WIF1: variants seen among roughly 807,000 people sequenced by gnomAD.
WIF1 encodes the protein Wnt inhibitory factor 1.
In WIF1, 35 loss-of-function variants were observed where a neutral mutation model predicts 53.5. The observed-to-expected ratio is 0.65, with a 90% CI of 0.50 to 0.87. The LOEUF (loss-of-function observed/expected upper bound fraction) is 0.87. WIF1 is among the 40% of genes least tolerant of loss of function. The pLI, the probability that WIF1 is intolerant of heterozygous loss-of-function variation, is 0.00. For synonymous variants in WIF1, 171 were observed against 170.4 expected (o/e 1.00, Z -0.03); for missense variants, 467 against 476.8 (o/e 0.98, Z 0.19).
At chr12:65,109,150 A>G (rs1257043252) in intron 2 of WIF1, among the ~76,000 whole-genome samples, 4 of 152,086 alleles carry the variant, frequency 2.6e-5, no homozygotes, top group Non-Finnish European at 4.4e-5. Context: ...GTATTTCCCT[A>G]TGGGTTATTC....
chr12:65,072,600 A>T (rs1005844437), intron 3 of WIF1, among the ~76,000 whole-genome samples: 1 of 152,150 alleles, frequency 6.6e-6, no homozygotes, highest in Admixed American at 6.6e-5. Flanking sequence ...ACACACTTGC[A>T]CTTCCACACA....
chr12:65,092,901 A>G (rs1883147564), intron 2 of WIF1, among the ~76,000 whole-genome samples: 1 of 151,154 alleles, frequency 6.6e-6, no homozygotes, highest in African/African-American at 2.4e-5. Flanking sequence ...GGTGACATCA[A>G]CTCCTGTCTG....
chr12:65,075,745 T>A (rs1882851628), intron 3 of WIF1, among the ~76,000 whole-genome samples: 1 of 151,972 alleles, frequency 6.6e-6, no homozygotes, highest in Admixed American at 6.6e-5. Flanking sequence ...GTGGAAAAAA[T>A]TGCAAAGGAA....
chr12:65,096,314 G>A (rs1482702531), intron 2 of WIF1, among the ~76,000 whole-genome samples: 1 of 152,128 alleles, frequency 6.6e-6, no homozygotes, highest in Non-Finnish European at 1.5e-5. Context: ...ACCACAATGA[G>A]ATACCATCTC....
intron 2 of WIF1, among the ~76,000 whole-genome samples, chr12:65,107,264 T>G (rs532858804): frequency 6.6e-6 from 1 of 152,352 alleles, no homozygotes; most frequent in Non-Finnish European, 1.5e-5. Context: ...TTCAATGTGC[T>G]TCAAACATGC....
rs373949680 is a variant in WIF1 at position 65,106,626 on chromosome 12, G to A, written c.288+13791C>T. Among the ~76,000 whole-genome samples, 29 of 152,218 alleles carry A rather than the reference G, an allele frequency of 1.9e-4. No homozygotes were observed. The East Asian group carries it at 3.1e-3, about 16-fold the overall frequency. On this transcript the variant is annotated intron_variant, in intron 2 of 9. Transcript: ENST00000286574. ...CTCCCAAAGTGTTGGGATTACAGGC[G>A]TGAGCCACTGCGCCCATCCCAAAAA...
chr12:65,118,426 G>A (rs917617560), intron 2 of WIF1, among the ~76,000 whole-genome samples: 5 of 152,070 alleles, frequency 3.3e-5, no homozygotes, highest in Non-Finnish European at 5.9e-5. Flanking sequence ...ATATTTTAAA[G>A]CATCTTGCTG....
chr12:65,058,357 T>A (rs1301090027), intron 7 of WIF1, among the ~76,000 whole-genome samples: 1 of 152,196 alleles, frequency 6.6e-6, no homozygotes, highest in East Asian at 1.9e-4. Flanking sequence ...GCCCGAATTT[T>A]CTCCTCCTCT....
intron 2 of WIF1, among the ~76,000 whole-genome samples, chr12:65,095,011 C>T (rs1417151824): frequency 6.6e-6 from 1 of 151,766 alleles, no homozygotes; most frequent in Admixed American, 6.6e-5. Flanking sequence ...TGACTCACTG[C>T]AGCCTCCATC....
Position 65,067,722 on chromosome 12 carries a change from C to T in WIF1, c.607G>A (p.Gly203Arg), listed in dbSNP as rs1176920931. 1.9e-6 allele frequency: 3 copies of T among 1,613,224 alleles called. No homozygotes were observed. The highest frequency in any genetic ancestry group is 1.3e-5 in the African/African-American group (1 of 74,884). ...NERRICECPD[G>R]FHGPHCEKAL... ...TTCTCACAGTGAGGTCCGTGGAACC[C>T]ATCAGGACACTCGCAGATGCGTCTT... The change falls in exon 5 of 10, where the codon GGG becomes AGG. Residue 203 changes from glycine to arginine, a missense_variant. Transcript: ENST00000286574.
chr12:65,097,944 G>C (rs548249788), intron 2 of WIF1, among the ~76,000 whole-genome samples: 1 of 152,258 alleles, frequency 6.6e-6, no homozygotes, highest in Admixed American at 6.5e-5. Context: ...GAAGAAGTGA[G>C]GAAGAGAGGA....
In WIF1 at chr12:65,050,815, A is replaced by ATT. The variant is rs560723841; in HGVS notation, c.*532_*533dup. ...GTTTAAATGCCACTACCACAGTGTA[A>ATT]TTTTTTTTTTTTTAATACTGAATCT... is the stretch of plus-strand genomic sequence containing the variant. On this transcript the variant is annotated 3_prime_UTR_variant, in exon 10 of 10. Transcript: ENST00000286574. 23 of 182,298 alleles carry ATT rather than the reference A, an allele frequency of 1.3e-4. No individual in the cohort carries two copies. Among genetic ancestry groups the ATT allele is most frequent in the Middle Eastern group, 1.9e-3 (1 of 522 alleles). The allele number at this position is 182,298 out of a possible 1,614,324, so 11.3% of individuals were successfully genotyped here.
At chr12:65,056,306 A>G (rs1483849376) in intron 7 of WIF1, among the ~76,000 whole-genome samples, 180 bp from the exon 8 acceptor site, 1 of 145,788 alleles carries the variant, frequency 6.9e-6, no homozygotes, top group Non-Finnish European at 1.5e-5. Flanking sequence ...CAGACAGGAT[A>G]ATATTTTTAA....
chr12:65,077,596 C>T (rs1258019776), intron 3 of WIF1, 150 bp downstream of exon 3: 4 of 601,218 alleles, frequency 6.7e-6, no homozygotes, highest in Non-Finnish European at 1.2e-5. Flanking sequence ...ATCCTTTGCC[C>T]AAAGAATAAC....
Position 65,056,079 on chromosome 12 carries a change from T to C in WIF1, c.874A>G (p.Ser292Gly). The C allele has an allele frequency of 6.2e-7, 1 of 1,614,150 alleles. No individual in the cohort carries two copies. Among genetic ancestry groups the C allele is most frequent in the Non-Finnish European group, 8.5e-7 (1 of 1,180,002 alleles). Reference sequence around the variant, plus strand: ...TAACCTTTGGAACACTTACATTTGCTTTTACCAATGCATTTACCTCCATTT... The same window carrying C: ...TAACCTTTGGAACACTTACATTTGCCTTTACCAATGCATTTACCTCCATTT... ...CRNGGKCIGK[S>G]KCKCSKGYQG... Residue 292 changes from serine to glycine, a missense_variant, in exon 8 of 10, where the codon AGC becomes GGC. Physicochemically the swap from Ser to Gly is moderately conservative, Grantham distance 56. Coordinates refer to ENST00000286574, the MANE Select transcript of WIF1 (RefSeq NM_007191.5).
At chr12:65,060,937 T>G (rs1882602156) in intron 7 of WIF1, among the ~76,000 whole-genome samples, 1 of 152,094 alleles carries the variant, frequency 6.6e-6, no homozygotes, top group South Asian at 2.1e-4. Context: ...CAAAACATTG[T>G]CTCTGCCAAC....
At chr12:65,055,770 G>A (rs750199156) in intron 8 of WIF1, among the ~76,000 whole-genome samples, 1 of 152,188 alleles carries the variant, frequency 6.6e-6, no homozygotes, top group Non-Finnish European at 1.5e-5. Context: ...GAGAGACTCC[G>A]TCTCAAAAAA....
At chr12:65,113,305 C>A (rs1245279978) in intron 2 of WIF1, among the ~76,000 whole-genome samples, 3 of 152,212 alleles carry the variant, frequency 2.0e-5, no homozygotes, top group Non-Finnish European at 1.5e-5. Context: ...TCCCTAACCA[C>A]ACCCATCTTA....
In WIF1 at chr12:65,121,283, C is replaced by G; in HGVS notation, c.-92G>C. On this transcript the variant is annotated 5_prime_UTR_variant, in exon 1 of 10. Coordinates refer to ENST00000286574, the MANE Select transcript of WIF1 (RefSeq NM_007191.5). The stretch of plus-strand genomic sequence containing the variant: ...AGATACTCTGCTGCGCTGCAGCTCC[C>G]TCAGCCAGGGCTGTTCCCGTTTAGA... 1 of 1,329,074 alleles carries G rather than the reference C, an allele frequency of 7.5e-7. No individual in the cohort carries two copies. Among genetic ancestry groups the G allele is most frequent in the Non-Finnish European group, 9.7e-7 (1 of 1,034,530 alleles). The allele number at this position is 1,329,074 out of a possible 1,614,324, so 82.3% of individuals were successfully genotyped here. A position where few individuals can be genotyped will look rare whatever the true frequency, so the allele number is the denominator to read the frequency against.
Sources: allele counts gnomAD v4.1 joint callset (sites outside exome capture counted in the v4.1 genomes callset), GRCh38; gene constraint gnomAD v4.1.1; transcripts MANE v1.5; gene names NCBI Gene and HGNC (gene_info 2026-07-23, HGNC 2026-07-21).